The following AHCYL2 variants were observed in gnomAD, a reference collection of about 807,000 sequenced individuals.
AHCYL2 encodes S-adenosylhomocysteine hydrolase-like protein 2.
In AHCYL2, 28 loss-of-function variants were observed where a neutral mutation model predicts 81.4. The ratio of observed to expected loss-of-function variants is 0.34; its 90% CI spans 0.25 to 0.47. The LOEUF (loss-of-function observed/expected upper bound fraction) is 0.47, where lower values mean the gene tolerates loss of function less well. Ranked by LOEUF, AHCYL2 falls within the 20% of genes least tolerant of loss-of-function variation. The probability of loss-of-function intolerance (pLI) is 1.00; values close to 1 mark genes in which losing one functional copy is unlikely to be tolerated. For synonymous variants in AHCYL2, 272 were observed against 290.2 expected (o/e 0.94, Z 0.64); for missense variants, 551 against 785.1 (o/e 0.70, Z 3.56).
chr7:129,393,042 G>T (rs9641850), intron 4 of AHCYL2, among the ~76,000 whole-genome samples: 43,167 of 152,200 alleles, frequency 0.28, 7,561 homozygotes, highest in East Asian at 0.6. Flanking sequence ...CAGAACTGAT[G>T]ATATTCACTT....
At chr7:129,307,885 C>T (rs1797500199) in intron 1 of AHCYL2, among the ~76,000 whole-genome samples, 1 of 151,922 alleles carries the variant, frequency 6.6e-6, no homozygotes, top group Admixed American at 6.6e-5. Flanking sequence ...TGTCCGGGAG[C>T]TAGGGCCTGG....
chr7:129,262,569 G>A (rs1795681119), intron 1 of AHCYL2, among the ~76,000 whole-genome samples: 1 of 152,226 alleles, frequency 6.6e-6, no homozygotes, highest in Admixed American at 6.5e-5. Context: ...TGGTTGTGAG[G>A]AAACCACAAG....
chr7:129,281,165 T>C (rs1464999564), intron 1 of AHCYL2, among the ~76,000 whole-genome samples: 1 of 152,028 alleles, frequency 6.6e-6, no homozygotes, highest in Non-Finnish European at 1.5e-5. Context: ...ACCCGGCCCA[T>C]TGATTCATTT....
At chr7:129,289,681 T>G (rs989414684) in intron 1 of AHCYL2, among the ~76,000 whole-genome samples, 1 of 152,038 alleles carries the variant, frequency 6.6e-6, no homozygotes, top group African/African-American at 2.4e-5. Flanking sequence ...TTGGTGGGGG[T>G]TTTTTTGGTA....
intron 2 of AHCYL2, among the ~76,000 whole-genome samples, chr7:129,383,171 TA>T (rs1795043729): frequency 6.6e-6 from 1 of 152,014 alleles, no homozygotes; most frequent in African/African-American, 2.4e-5. Flanking sequence ...TATTTTATTC[TA>T]TTTTTTTTTA....
chr7:129,249,772 A>G (rs1795189700), intron 1 of AHCYL2, among the ~76,000 whole-genome samples: 1 of 151,568 alleles, frequency 6.6e-6, no homozygotes, highest in Admixed American at 6.6e-5. Context: ...GGAAACCTCT[A>G]TTCTATTTTC....
At chr7:129,323,779 G>T (rs901693029) in intron 1 of AHCYL2, among the ~76,000 whole-genome samples, 1 of 151,678 alleles carries the variant, frequency 6.6e-6, no homozygotes, top group Non-Finnish European at 1.5e-5. Context: ...TTGATGAATT[G>T]ACTTCTTTAT....
chr7:129,261,947 GC>G (rs2150716756), intron 1 of AHCYL2, among the ~76,000 whole-genome samples: 1 of 152,216 alleles, frequency 6.6e-6, no homozygotes, highest in African/African-American at 2.4e-5. Flanking sequence ...GAAAATGCAA[GC>G]AAAATAAGAG....
At position 129,273,689 on chromosome 7, in the gene AHCYL2, A is replaced by G. The variant is rs573340288; in HGVS notation, c.363+48250A>G. Among the ~76,000 whole-genome samples the G allele has an allele frequency of 7.2e-5, 11 of 152,322 alleles. No homozygotes were observed. In the South Asian group the frequency reaches 2.3e-3, roughly 32 times the overall value. The stretch of plus-strand genomic sequence containing the variant: ...CTTTCAATTAGATAAAGGGATATCT[A>G]GAGGTCTTAAGGGAATACTTCTTAG... On this transcript the variant is annotated intron_variant, in intron 1 of 16. Transcript: ENST00000325006.
intron 1 of AHCYL2, among the ~76,000 whole-genome samples, chr7:129,256,832 G>C (rs1795446169): frequency 6.6e-6 from 1 of 151,364 alleles, no homozygotes; most frequent in African/African-American, 2.4e-5. Flanking sequence ...ATGCAATAGA[G>C]GTTTTTACCA....
intron 1 of AHCYL2, among the ~76,000 whole-genome samples, chr7:129,294,572 C>A (rs2150754598): frequency 6.6e-6 from 1 of 152,276 alleles, no homozygotes; most frequent in South Asian, 2.1e-4. Flanking sequence ...CCTTAAGTGG[C>A]AAGAGTGTAA....
rs573442554 is a variant in AHCYL2 at position 129,368,175 on chromosome 7, GTA to G, written c.364-11462_364-11461del. 1,393 of 1,130,068 alleles carry G rather than the reference GTA, an allele frequency of 1.2e-3. 3 individuals are homozygous for G. Among genetic ancestry groups the G allele is most frequent in the Non-Finnish European group, 1.4e-3 (1,319 of 921,000 alleles). 70.0% of individuals were successfully genotyped at this position (1,130,068 alleles called of 1,614,324 possible). ...GAAAGTCCCCACTGGGGAGGTGCGGGTAGAGTGTTTGGGTAGCATTAAAACAG... is the reference window on the plus strand; with the variant it reads ...GAAAGTCCCCACTGGGGAGGTGCGGGGAGTGTTTGGGTAGCATTAAAACAG... On this transcript the variant is annotated intron_variant, in intron 1 of 16. Coordinates refer to ENST00000325006, the MANE Select transcript of AHCYL2 (RefSeq NM_015328.4). The surrounding 1 kb of genome is among the most constrained non-coding windows in gnomAD (Gnocchi z 4.4).
rs575963535 is a variant in AHCYL2 at position 129,411,001 on chromosome 7, G to A, written c.1366+1455G>A. On this transcript the variant is annotated intron_variant, in intron 11 of 16. Coordinates refer to ENST00000325006, the MANE Select transcript of AHCYL2 (RefSeq NM_015328.4). ...CTGGTCTCAAACTCCTGGCCTCAGC[G>A]TGGTTCTCCCACCTCTGCTTCCCAA... Among the ~76,000 whole-genome samples the A allele has an allele frequency of 4.2e-4, 64 of 151,900 alleles. 1 individual carries two copies. Among genetic ancestry groups the A allele is most frequent in the Admixed American group, 1.2e-3 (18 of 15,272 alleles).
intron 1 of AHCYL2, among the ~76,000 whole-genome samples, chr7:129,313,002 C>CTTT (rs1177434030): frequency 6.6e-6 from 1 of 152,202 alleles, no homozygotes; most frequent in Non-Finnish European, 1.5e-5. Flanking sequence ...TTTCTTTCTT[C>CTTT]TGTCTCTCTT....
chr7:129,279,111 A>G (rs1796331134), intron 1 of AHCYL2, among the ~76,000 whole-genome samples: 1 of 152,060 alleles, frequency 6.6e-6, no homozygotes, highest in Non-Finnish European at 1.5e-5. Context: ...AGCATCTGGG[A>G]TTTTTATTGG....
intron 1 of AHCYL2, among the ~76,000 whole-genome samples, chr7:129,331,454 A>G (rs1318441460): frequency 1.3e-5 from 2 of 152,226 alleles, no homozygotes; most frequent in African/African-American, 4.8e-5. Flanking sequence ...TATTCAGTGG[A>G]CTACTAGCCA....
chr7:129,240,055 C>G (rs1794793056), intron 1 of AHCYL2, among the ~76,000 whole-genome samples: 1 of 152,052 alleles, frequency 6.6e-6, no homozygotes, highest in Non-Finnish European at 1.5e-5. Context: ...GAAACCCTGT[C>G]TCTACTAAAA....
At chr7:129,342,004 G>A (rs1340307450) in intron 1 of AHCYL2, among the ~76,000 whole-genome samples, 1 of 152,168 alleles carries the variant, frequency 6.6e-6, no homozygotes, top group Non-Finnish European at 1.5e-5. Context: ...TATCTCCAGG[G>A]TTATAAAGGT....
At chr7:129,366,874 A>G (rs1326448600) in intron 1 of AHCYL2, among the ~76,000 whole-genome samples, 1 of 152,200 alleles carries the variant, frequency 6.6e-6, no homozygotes, top group East Asian at 1.9e-4. Context: ...CATGTGCCCA[A>G]GGTGGTCAGA....
Sources: gnomAD v4.1 joint callset for allele counts (sites outside exome capture counted in the v4.1 genomes callset) on GRCh38, gnomAD v4.1.1 for gene constraint, Gnocchi (gnomAD v3.1) non-coding constraint, MANE v1.5 for transcripts, NCBI Gene and HGNC (gene_info 2026-07-23, HGNC 2026-07-21) for gene names.